Variants in PSMA8 observed in about 807,000 individuals in gnomAD.
PSMA8 encodes proteasome subunit alpha-type 8.
A neutral mutation model predicts 32.4 loss-of-function variants in PSMA8; 18 were observed. The observed-to-expected ratio is 0.56, with a 90% CI of 0.38 to 0.82. The LOEUF (loss-of-function observed/expected upper bound fraction) is 0.82, where lower values mean the gene tolerates loss of function less well. PSMA8 is among the 40% of genes least tolerant of loss of function. PSMA8 has a pLI of 0.00. For missense variants in PSMA8, 298 were observed against 300.7 expected (o/e 0.99, Z 0.07); for synonymous variants, 104 against 98.1 (o/e 1.06, Z -0.36).
chr18:26,136,102 A>G (rs900867376), intron 1 of PSMA8, among the ~76,000 whole-genome samples: 1 of 152,220 alleles, frequency 6.6e-6, no homozygotes, highest in Non-Finnish European at 1.5e-5. Context: ...TTAGTAATAT[A>G]AAAATTATAT....
intron 4 of PSMA8, among the ~76,000 whole-genome samples, chr18:26,175,377 C>G (rs1188814640): frequency 6.6e-6 from 1 of 152,182 alleles, no homozygotes; most frequent in African/African-American, 2.4e-5. Context: ...AGACATTGGG[C>G]TGCATTGTAG....
intron 6 of PSMA8, among the ~76,000 whole-genome samples, chr18:26,181,451 C>T (rs1378733680): frequency 6.6e-6 from 1 of 151,994 alleles, no homozygotes; most frequent in African/African-American, 2.4e-5. Flanking sequence ...AATTAATAAC[C>T]CGATAAGGGC....
In PSMA8 at chr18:26,159,561, C is replaced by A. The variant is rs182393955; in HGVS notation, c.477+1317C>A. ...TTTAAAGCCTGCCATCTTCTGTTTG[C>A]ATTTATCATTACATCATTACCCTTT... is the stretch of plus-strand genomic sequence containing the variant. On this transcript the variant is annotated intron_variant, in intron 4 of 6. Coordinates refer to ENST00000415576, the MANE Select transcript of PSMA8 (RefSeq NM_001025096.2). Among the ~76,000 whole-genome samples, 3 of 152,004 alleles carry A rather than the reference C, an allele frequency of 2.0e-5. 1 individual carries two copies. The highest frequency in any genetic ancestry group is 4.2e-4 in the South Asian group (2 of 4,816).
chr18:26,190,943 T>C (rs1251575014), intron 6 of PSMA8, among the ~76,000 whole-genome samples: 1 of 152,208 alleles, frequency 6.6e-6, no homozygotes, highest in East Asian at 1.9e-4. Context: ...ATGGAACTCC[T>C]AGTAATTGCT....
At chr18:26,184,120 C>G (rs1413080664) in intron 6 of PSMA8, among the ~76,000 whole-genome samples, 3 of 150,684 alleles carry the variant, frequency 2.0e-5, no homozygotes, top group Admixed American at 6.6e-5. Context: ...GAAACCAAAA[C>G]ATTTATGTGA....
At chr18:26,191,783 T>C (rs985955245) in intron 6 of PSMA8, among the ~76,000 whole-genome samples, 1 of 152,204 alleles carries the variant, frequency 6.6e-6, no homozygotes, top group Non-Finnish European at 1.5e-5. Flanking sequence ...GCCGCAAGCA[T>C]GTAACCTTGG....
chr18:26,157,751 G>A (rs974711105), intron 3 of PSMA8, among the ~76,000 whole-genome samples: 2 of 152,168 alleles, frequency 1.3e-5, no homozygotes, highest in Admixed American at 1.3e-4. Context: ...CTCAAGGTAA[G>A]CCGAGGACAT....
chr18:26,141,147 A>G (rs753428710), intron 1 of PSMA8, among the ~76,000 whole-genome samples: 9 of 152,082 alleles, frequency 5.9e-5, no homozygotes, highest in Non-Finnish European at 1.2e-4. Context: ...CTCCCTAACC[A>G]TTAATTTTTG....
At chr18:26,151,707 A>G (rs2055046811) in intron 2 of PSMA8, 151 bp from the exon 3 acceptor site, 1 of 577,468 alleles carries the variant, frequency 1.7e-6, no homozygotes. Flanking sequence ...GACAAATGAC[A>G]CTTTATCTCA....
intron 1 of PSMA8, chr18:26,140,159 A>C (rs2054943766): frequency 2.8e-6 from 2 of 702,796 alleles, no homozygotes; most frequent in African/African-American, 1.7e-5. Flanking sequence ...TTCACCAGTT[A>C]GCCCATCCAG....
At position 26,171,233 on chromosome 18, in the gene PSMA8, G is replaced by A. The variant is rs1252953481; in HGVS notation, c.478-7597G>A. 6 of 1,559,018 alleles carry A rather than the reference G, an allele frequency of 3.8e-6. 2 individuals are homozygous for A. In the African/African-American group the frequency reaches 7.0e-5, roughly 18 times the overall value. On this transcript the variant is annotated intron_variant, in intron 4 of 6. Coordinates refer to ENST00000415576, the MANE Select transcript of PSMA8 (RefSeq NM_001025096.2). ...GTGGCCAGGGCAGGTCCCCGTTCTT[G>A]CCGATGCCCATGTTCTGGGACACAG...
intron 3 of PSMA8, among the ~76,000 whole-genome samples, chr18:26,156,404 G>A (rs2055089384): frequency 6.6e-6 from 1 of 151,984 alleles, no homozygotes; most frequent in East Asian, 1.9e-4. Context: ...TATACAACCA[G>A]CCTAAGCATT....
intron 2 of PSMA8, among the ~76,000 whole-genome samples, chr18:26,146,080 A>G (rs1411500283): frequency 6.6e-6 from 1 of 150,934 alleles, no homozygotes; most frequent in Non-Finnish European, 1.5e-5. Flanking sequence ...TGTAAGTTTA[A>G]TTTTTATTTC....
At chr18:26,139,605 G>T (rs760095423) in intron 1 of PSMA8, among the ~76,000 whole-genome samples, 74 of 152,100 alleles carry the variant, frequency 4.9e-4, no homozygotes, top group Non-Finnish European at 8.8e-4. Context: ...TATATTGAAG[G>T]TCAAGTAAAT....
At chr18:26,161,811 A>C (rs976255968) in intron 4 of PSMA8, among the ~76,000 whole-genome samples, 1 of 152,182 alleles carries the variant, frequency 6.6e-6, no homozygotes. Context: ...AGTTGGCACA[A>C]GTAGGGGAAA....
intron 4 of PSMA8, among the ~76,000 whole-genome samples, chr18:26,165,775 G>A (rs558319019): frequency 1.3e-5 from 2 of 152,080 alleles, no homozygotes; most frequent in Non-Finnish European, 2.9e-5. Flanking sequence ...CATTTGACCT[G>A]CCAGATTTGC....
chr18:26,152,409 C>T (rs1202411731), intron 3 of PSMA8, among the ~76,000 whole-genome samples: 2 of 152,096 alleles, frequency 1.3e-5, no homozygotes, highest in Non-Finnish European at 2.9e-5. Flanking sequence ...ACTGCAGCCT[C>T]GACCTTCTGG....
At chr18:26,165,498 T>C (rs1178811976) in intron 4 of PSMA8, among the ~76,000 whole-genome samples, 1 of 152,212 alleles carries the variant, frequency 6.6e-6, no homozygotes, top group South Asian at 2.1e-4. Context: ...ATATTGCTTT[T>C]AAGAAATTTG....
At chr18:26,190,521 G>A (rs555055351) in intron 6 of PSMA8, among the ~76,000 whole-genome samples, 2 of 152,312 alleles carry the variant, frequency 1.3e-5, no homozygotes, top group Middle Eastern at 3.4e-3. Context: ...GGCCGAGACA[G>A]GCAAATCGAT....
Sources: allele counts gnomAD v4.1 joint callset (sites outside exome capture counted in the v4.1 genomes callset), GRCh38; gene constraint gnomAD v4.1.1; transcripts MANE v1.5; gene names NCBI Gene and HGNC (gene_info 2026-07-23, HGNC 2026-07-21).